The following MKRN1 variants were observed in gnomAD, a reference collection of about 807,000 sequenced individuals.
The protein encoded by MKRN1 is E3 ubiquitin-protein ligase makorin-1.
A neutral mutation model predicts 55.5 loss-of-function variants in MKRN1; 9 were observed. That is an observed-to-expected ratio of 0.16 (90% CI 0.10 to 0.28). MKRN1 has a LOEUF of 0.28. Ranked by LOEUF, MKRN1 falls within the 10% of genes least tolerant of loss-of-function variation. MKRN1 has a pLI of 1.00. For synonymous variants in MKRN1, 253 were observed against 235.9 expected (o/e 1.07, Z -0.66); for missense variants, 488 against 626.7 (o/e 0.78, Z 2.36).
chr7:140,455,313 C>T (rs1306830026), intron 6 of MKRN1, 80 bp from the exon 7 acceptor site: 4 of 1,563,350 alleles, frequency 2.6e-6, no homozygotes, highest in African/African-American at 2.7e-5. Flanking sequence ...TTTCTTTAAA[C>T]AGGTAGGGAT....
chr7:140,463,837 T>A (rs1794694416), intron 2 of MKRN1, among the ~76,000 whole-genome samples: 1 of 151,860 alleles, frequency 6.6e-6, no homozygotes, highest in South Asian at 2.1e-4. Flanking sequence ...GTGAGAGAGC[T>A]GAGATCGCGC....
rs1794550571 is a variant in MKRN1, at chr7:140,459,239, A to G, written c.545-6T>C. ...TTCAGTGCAGGAAGGCGCAGCTGAAAATGTGTAAGAGGGTGGTAAAGGTCC... is the reference window on the plus strand; with the variant it reads ...TTCAGTGCAGGAAGGCGCAGCTGAAGATGTGTAAGAGGGTGGTAAAGGTCC... On this transcript the variant is annotated splice_polypyrimidine_tract_variant and splice_region_variant and intron_variant, in intron 3 of 7. Transcript: ENST00000255977. The G allele has an allele frequency of 2.5e-6, 4 of 1,613,744 alleles. No homozygotes were observed. The highest frequency in any genetic ancestry group is 3.4e-6 in the Non-Finnish European group (4 of 1,179,758).
At chr7:140,465,682 T>C (rs1563092106) in intron 2 of MKRN1, among the ~76,000 whole-genome samples, 1 of 152,076 alleles carries the variant, frequency 6.6e-6, no homozygotes, top group Non-Finnish European at 1.5e-5. Context: ...CTCTCAACTG[T>C]TGGGGCTATG....
chr7:140,468,406 T>C (rs547851621), intron 2 of MKRN1, among the ~76,000 whole-genome samples: 12 of 152,012 alleles, frequency 7.9e-5, no homozygotes, highest in Non-Finnish European at 1.3e-4. Flanking sequence ...GCAAAAGACA[T>C]GCCTGGTGGA....
intron 2 of MKRN1, among the ~76,000 whole-genome samples, chr7:140,468,892 T>A (rs550631625): frequency 6.9e-6 from 1 of 144,492 alleles, no homozygotes; most frequent in East Asian, 2.0e-4. Flanking sequence ...AAAGATCTTC[T>A]CTTTCCCCTC....
Position 140,479,471 on chromosome 7 carries a change from C to G in MKRN1, c.-127G>C, listed in dbSNP as rs548366578. 5 of 1,001,894 alleles carry G rather than the reference C, an allele frequency of 5.0e-6. No individual in the cohort carries two copies. In the African/African-American group the frequency reaches 8.4e-5, roughly 17 times the overall value. 62.1% of individuals were successfully genotyped at this position (1,001,894 alleles called of 1,614,324 possible). ...AGGACACTGAGGCACCCGTTCGGTC[C>G]CCGCCTGCTACGCGTCGCGTATCTG... is the stretch of plus-strand genomic sequence containing the variant. On this transcript the variant is annotated 5_prime_UTR_variant, in exon 1 of 8. Transcript: ENST00000255977.
In MKRN1 at chr7:140,479,152, C is replaced by T. The variant is rs540731213; in HGVS notation, c.185+8G>A. On this transcript the variant is annotated splice_region_variant and intron_variant, in intron 1 of 7. Coordinates refer to ENST00000255977, the MANE Select transcript of MKRN1 (RefSeq NM_013446.4). The stretch of plus-strand genomic sequence containing the variant: ...CCGCGCCCGGCGCTCCGCCGCGCAA[C>T]GTCCTACCTGCAGGTGACCTGTTTA... 1.0e-5 allele frequency: 14 copies of T among 1,356,154 alleles called. No homozygotes were observed. The highest frequency in any genetic ancestry group is 1.1e-5 in the Non-Finnish European group (12 of 1,055,658). 84.0% of individuals were successfully genotyped at this position (1,356,154 alleles called of 1,614,324 possible). A position where few individuals can be genotyped will look rare whatever the true frequency, so the allele number is the denominator to read the frequency against.
chr7:140,469,624 C>T (rs1415881464), intron 2 of MKRN1, among the ~76,000 whole-genome samples: 1 of 151,656 alleles, frequency 6.6e-6, no homozygotes, highest in East Asian at 2.0e-4. Context: ...ATGAAAAGGC[C>T]CATGTGGGCC....
intron 7 of MKRN1, 47 bp downstream of exon 7, chr7:140,455,048 C>T (rs377415065): frequency 6.2e-7 from 1 of 1,608,364 alleles, no homozygotes; most frequent in Non-Finnish European, 8.5e-7. Flanking sequence ...CAGGACTCAA[C>T]TGATACCTTG....
intron 2 of MKRN1, chr7:140,460,310 C>CTT (rs57140647): frequency 5.7e-4 from 64 of 112,506 alleles, no homozygotes; most frequent in South Asian, 8.6e-4. Flanking sequence ...TTTTTCTTTT[C>CTT]TTTTTTTTTT....
rs1248285966 is a variant in MKRN1, at chr7:140,479,279, C to T, written c.66G>A (p.Thr22=). Reference sequence around the variant, plus strand: ...TCGGGGTGGGGGAGGCTGCTGCCGCCGTCGCCGCTGCCGCTCCTGCTCCTG... The same window carrying T: ...TCGGGGTGGGGGAGGCTGCTGCCGCTGTCGCCGCTGCCGCTCCTGCTCCTG... ...TTSGAGAAAA[T]AAAASPTPIP... The change falls in exon 1 of 8, where the codon ACG becomes ACA. Residue 22 remains threonine, a synonymous_variant. Coordinates refer to ENST00000255977, the MANE Select transcript of MKRN1 (RefSeq NM_013446.4). The T allele has an allele frequency of 2.2e-6, 3 of 1,389,366 alleles. No individual in the cohort carries two copies. The highest frequency in any genetic ancestry group is 1.9e-6 in the Non-Finnish European group (2 of 1,071,858). The allele number at this position is 1,389,366 out of a possible 1,614,324, so 86.1% of individuals were successfully genotyped here.
At position 140,454,644 on chromosome 7, in the gene MKRN1, G is replaced by A. The variant is rs1174543136; in HGVS notation, c.1322C>T (p.Thr441Ile). ...AAGCAACATCTCGCCCAGCTCAAAG[G>A]TGACAACCTCTTCTTCATCGTTGTC... The part of the protein sequence containing the change: ...PFDNDEEEVV[T>I]FELGEMLLML... Residue 441 changes from threonine to isoleucine, a missense_variant, in exon 8 of 8, where the codon ACC (threonine) becomes ATC (isoleucine). This residue lies in a region of MKRN1 where 278 missense variants were observed against 406.7 expected (regional missense o/e 0.68). Coordinates refer to ENST00000255977, the MANE Select transcript of MKRN1 (RefSeq NM_013446.4). 6.2e-7 allele frequency: 1 copy of A among 1,613,944 alleles called. No homozygotes were observed. The highest frequency in any genetic ancestry group is 1.7e-5 in the Admixed American group (1 of 59,998).
intron 2 of MKRN1, among the ~76,000 whole-genome samples, chr7:140,464,212 G>A (rs376981805): frequency 5.3e-5 from 8 of 151,992 alleles, no homozygotes; most frequent in South Asian, 2.1e-4. Flanking sequence ...GAGCCACCGC[G>A]CCCAGGCCCA....
intron 4 of MKRN1, among the ~76,000 whole-genome samples, chr7:140,458,234 T>C (rs531598102): frequency 2.6e-5 from 4 of 152,306 alleles, no homozygotes; most frequent in Admixed American, 2.0e-4. Flanking sequence ...TTATTCATAA[T>C]AGCCAAAAAC....
At chr7:140,466,874 C>A (rs929394140) in intron 2 of MKRN1, among the ~76,000 whole-genome samples, 2 of 150,606 alleles carry the variant, frequency 1.3e-5, no homozygotes, top group East Asian at 3.9e-4. Context: ...TGCAGTGAGT[C>A]GTGTTCACAC....
chr7:140,461,922 G>A (rs1486824698), intron 2 of MKRN1, among the ~76,000 whole-genome samples: 1 of 152,214 alleles, frequency 6.6e-6, no homozygotes, highest in Non-Finnish European at 1.5e-5. Flanking sequence ...GGCGGAGGTT[G>A]CAGTGAGCCT....
chr7:140,472,927 C>T lies in MKRN1; in HGVS notation c.186-916G>A, dbSNP rs1794977640. On this transcript the variant is annotated intron_variant, in intron 1 of 7. Transcript: ENST00000255977. ...GGTCAGGAGATCAAGACCATCCTGG[C>T]TAATATGGTGAAACCCCATCTCTAC... 4.0e-5 allele frequency among the ~76,000 whole-genome samples: 6 copies of T among 151,148 alleles called. 2 individuals are homozygous for T. In the South Asian group the frequency reaches 1.3e-3, roughly 32 times the overall value.
chr7:140,466,776 C>T (rs1211598247), intron 2 of MKRN1, among the ~76,000 whole-genome samples: 1 of 144,622 alleles, frequency 6.9e-6, no homozygotes. Flanking sequence ...TGCAGTCCGC[C>T]GTCCGGCCTG....
rs965603446 is a variant in MKRN1, at chr7:140,463,816, C to T, written c.315-3880G>A. Among the ~76,000 whole-genome samples the T allele has an allele frequency of 5.3e-5, 8 of 151,876 alleles. 1 individual carries two copies. Among genetic ancestry groups the T allele is most frequent in the African/African-American group, 7.3e-5 (3 of 41,320 alleles). ...AGGAGAATGGCGTGAACCTGGGAGGCGGAGCTTCCAGTGAGAGAGCTGAGA... is the reference window on the plus strand; with the variant it reads ...AGGAGAATGGCGTGAACCTGGGAGGTGGAGCTTCCAGTGAGAGAGCTGAGA... On this transcript the variant is annotated intron_variant, in intron 2 of 7. Transcript: ENST00000255977.
Sources: gnomAD v4.1 joint callset for allele counts (sites outside exome capture counted in the v4.1 genomes callset) on GRCh38, gnomAD v4.1.1 for gene constraint, gnomAD v4.1.1 regional missense constraint, MANE v1.5 for transcripts, NCBI Gene and HGNC (gene_info 2026-07-23, HGNC 2026-07-21) for gene names.